The following BLK variants were observed in gnomAD, a reference collection of about 807,000 sequenced individuals.
BLK encodes the protein BLK proto-oncogene, Src family tyrosine kinase.
In BLK, 64 loss-of-function variants were observed where a neutral mutation model predicts 61.8. The observed-to-expected ratio is 1.03, with a 90% confidence interval of 0.85 to 1.27. The LOEUF is 1.27. BLK is among the 50% of genes most tolerant of loss of function. The pLI is 0.00. For missense variants in BLK, 853 were observed against 660.5 expected (o/e 1.29, Z -3.19); for synonymous variants, 351 against 272.0 (o/e 1.29, Z -2.86).
At chr8:11,534,972 A>C (rs1800052229) in intron 1 of BLK, among the ~76,000 whole-genome samples, 1 of 152,146 alleles carries the variant, frequency 6.6e-6, no homozygotes, top group African/African-American at 2.4e-5. Flanking sequence ...CCAGGCATTC[A>C]AGACCAGCCT....
chr8:11,523,755 C>G (rs1339165818), intron 1 of BLK, among the ~76,000 whole-genome samples: 1 of 151,450 alleles, frequency 6.6e-6, no homozygotes, highest in Non-Finnish European at 1.5e-5. Flanking sequence ...ACACAAGTGG[C>G]TAATAAGTAC....
intron 10 of BLK, chr8:11,559,826 C>T (rs1368061535): frequency 4.4e-6 from 2 of 456,200 alleles, no homozygotes; most frequent in South Asian, 1.5e-5. Flanking sequence ...AGCGTAATGT[C>T]ATTTCTATGA....
At chr8:11,551,979 G>C (rs976949391) in intron 6 of BLK, among the ~76,000 whole-genome samples, 14 of 152,196 alleles carry the variant, frequency 9.2e-5, no homozygotes, top group African/African-American at 3.4e-4. Context: ...TGCTCATCAG[G>C]AAGCTGTCCA....
chr8:11,520,686 T>C (rs1305917919), intron 1 of BLK, among the ~76,000 whole-genome samples: 1 of 152,070 alleles, frequency 6.6e-6, no homozygotes, highest in Non-Finnish European at 1.5e-5. Flanking sequence ...TAATTTAACT[T>C]TGTTTTGGGA....
At chr8:11,544,531 T>C (rs757583121) in intron 2 of BLK, among the ~76,000 whole-genome samples, 1 of 152,214 alleles carries the variant, frequency 6.6e-6, no homozygotes, top group African/African-American at 2.4e-5. Context: ...GTTTATTGAA[T>C]AAATAATTGA....
intron 1 of BLK, among the ~76,000 whole-genome samples, chr8:11,518,247 C>G (rs544003826): frequency 3.3e-5 from 5 of 152,178 alleles, no homozygotes; most frequent in Non-Finnish European, 7.3e-5. Context: ...CCAGCTGAGA[C>G]GAAGCACCAG....
At chr8:11,507,660 G>A (rs1798828983) in intron 1 of BLK, among the ~76,000 whole-genome samples, 1 of 152,202 alleles carries the variant, frequency 6.6e-6, no homozygotes, top group African/African-American at 2.4e-5. Flanking sequence ...GGGGGTTTGG[G>A]GGTTACTGGG....
At chr8:11,523,038 C>A (rs1264762324) in intron 1 of BLK, among the ~76,000 whole-genome samples, 1 of 98,940 alleles carries the variant, frequency 1.0e-5, no homozygotes, top group East Asian at 3.0e-4. Flanking sequence ...TTGATCTTAG[C>A]AGTGTCACAT....
At chr8:11,527,281 C>A (rs1026467505) in intron 1 of BLK, among the ~76,000 whole-genome samples, 1 of 152,170 alleles carries the variant, frequency 6.6e-6, no homozygotes, top group Admixed American at 6.5e-5. Flanking sequence ...ACAAAATTCA[C>A]CCATTTGGGG....
chr8:11,548,443 G>A (rs182507360), intron 4 of BLK, among the ~76,000 whole-genome samples: 21 of 152,268 alleles, frequency 1.4e-4, no homozygotes, highest in Middle Eastern at 3.4e-3. Context: ...TGGCTGTTCC[G>A]TGAAAGCCTT....
rs145294499 is a variant in BLK, at chr8:11,540,285, C to G, written c.-1-2939C>G. On this transcript the variant is annotated intron_variant, in intron 1 of 12. Transcript: ENST00000259089. ...TCCTAATACCATTTATTAAAATAAA[C>G]TATCCACTTTCTACTGAATTAAAAT... Among the ~76,000 whole-genome samples, 675 of 152,146 alleles carry G rather than the reference C, an allele frequency of 4.4e-3. 8 individuals are homozygous for G. Among genetic ancestry groups the G allele is most frequent in the African/African-American group, 0.016 (646 of 41,524 alleles).
chr8:11,510,343 A>G (rs1798947060), intron 1 of BLK, among the ~76,000 whole-genome samples: 2 of 152,174 alleles, frequency 1.3e-5, no homozygotes, highest in Admixed American at 6.5e-5. Flanking sequence ...GTCTTTGGCC[A>G]GAGAGCAGAC....
chr8:11,541,866 C>T (rs1277426187), intron 1 of BLK, among the ~76,000 whole-genome samples: 1 of 152,158 alleles, frequency 6.6e-6, no homozygotes, highest in Non-Finnish European at 1.5e-5. Context: ...TACTTGTAAC[C>T]CTGGCACTAT....
chr8:11,538,058 A>C (rs999514864), intron 1 of BLK, among the ~76,000 whole-genome samples: 2 of 152,180 alleles, frequency 1.3e-5, no homozygotes, highest in African/African-American at 4.8e-5. Context: ...ACATGCATAT[A>C]CACGTGCACA....
intron 1 of BLK, among the ~76,000 whole-genome samples, chr8:11,540,570 T>A (rs2117431103): frequency 6.6e-6 from 1 of 151,926 alleles, no homozygotes; most frequent in South Asian, 2.1e-4. Flanking sequence ...AACATCACAA[T>A]CAAAAAAGAG....
Position 11,561,429 on chromosome 8 carries a change from A to G in BLK, c.1157A>G (p.Asp386Gly). 1.9e-6 allele frequency: 3 copies of G among 1,614,044 alleles called. No individual in the cohort carries two copies. Among genetic ancestry groups the G allele is most frequent in the Non-Finnish European group, 2.5e-6 (3 of 1,180,004 alleles). ...IADFGLARIIDSEYTAQEGAK... is the reference protein window; with the variant it reads ...IADFGLARIIGSEYTAQEGAK... ...GATTTTGGCTTGGCTCGAATCATCG[A>G]CAGTGAATACACGGCCCAAGAGGGT... Residue 386 changes from aspartate (D) to glycine (G), a missense_variant, in exon 11 of 13, where the codon GAC becomes GGC. Transcript: ENST00000259089.
chr8:11,558,637 T>C (rs557244909), intron 10 of BLK: 19 of 456,018 alleles, frequency 4.2e-5, no homozygotes, highest in African/African-American at 3.6e-4. Context: ...TGGTCCTCAG[T>C]GTCCCTCACG....
rs113799810 is a variant in BLK at position 11,556,204 on chromosome 8, C to T, written c.773-454C>T. On this transcript the variant is annotated intron_variant, in intron 8 of 12. Transcript: ENST00000259089. Reference sequence around the variant, plus strand: ...GGAGTACAGGGAGAGTGTGGAGATACAGATAGTTTAAGGAGTGGGACAGGA... The same window carrying T: ...GGAGTACAGGGAGAGTGTGGAGATATAGATAGTTTAAGGAGTGGGACAGGA... 955 of 271,346 alleles carry T rather than the reference C, an allele frequency of 3.5e-3. 4 individuals are homozygous for T. The highest frequency in any genetic ancestry group is 0.019 in the African/African-American group (864 of 45,782). 16.8% of individuals were successfully genotyped at this position (271,346 alleles called of 1,614,324 possible). A position where few individuals can be genotyped will look rare whatever the true frequency, so the allele number is the denominator to read the frequency against.
intron 1 of BLK, among the ~76,000 whole-genome samples, chr8:11,538,115 C>T (rs572198492): frequency 6.6e-6 from 1 of 152,318 alleles, no homozygotes; most frequent in South Asian, 2.1e-4. Flanking sequence ...CAAGCACATA[C>T]ACACATGTGT....
Sources: allele counts gnomAD v4.1 joint callset (sites outside exome capture counted in the v4.1 genomes callset), GRCh38; gene constraint gnomAD v4.1.1; transcripts MANE v1.5; gene names NCBI Gene and HGNC (gene_info 2026-07-23, HGNC 2026-07-21).